Variants in PHGR1 observed in about 807,000 individuals in gnomAD.
The protein encoded by PHGR1 is proline, histidine and glycine-rich protein 1.
Under a neutral mutation model 4.9 loss-of-function variants are expected in PHGR1, and 3 were observed. That is an observed-to-expected ratio of 0.61 (90% CI 0.28 to 1.58). The LOEUF (loss-of-function observed/expected upper bound fraction) is 1.58, where lower values mean the gene tolerates loss of function less well. Ranked by LOEUF, PHGR1 falls within the 40% of genes most tolerant of loss-of-function variation. The pLI is 0.11. For missense variants in PHGR1, 81 were observed against 118.7 expected (o/e 0.68, Z 1.48); for synonymous variants, 32 against 46.1 (o/e 0.69, Z 1.24).
At chr15:40,353,506 T>A in intron 2 of PHGR1, 1 of 533,904 alleles carries the variant, frequency 1.9e-6, no homozygotes, top group Non-Finnish European at 3.3e-6. Context: ...TAAGGGTAGG[T>A]GCTTCTCCCA....
At position 40,351,055 on chromosome 15, in the gene PHGR1, A is replaced by G. The variant is rs1026725980; in HGVS notation, c.-34A>G. ...CCCAGACTTCCTGCCCCTGCTCTGCACTCTCAGGTAGGGACCTGGCTCTAC... is the reference window on the plus strand; with the variant it reads ...CCCAGACTTCCTGCCCCTGCTCTGCGCTCTCAGGTAGGGACCTGGCTCTAC... On this transcript the variant is annotated 5_prime_UTR_variant, in exon 1 of 4. Coordinates refer to ENST00000448599, the MANE Select transcript of PHGR1 (RefSeq NM_001145643.2). 4 of 151,906 alleles carry G rather than the reference A, an allele frequency of 2.6e-5. No homozygotes were observed. Among genetic ancestry groups the G allele is most frequent in the African/African-American group, 9.7e-5 (4 of 41,218 alleles). 9.4% of individuals were successfully genotyped at this position (151,906 alleles called of 1,614,324 possible). A position where few individuals can be genotyped will look rare whatever the true frequency, so the allele number is the denominator to read the frequency against.
chr15:40,352,495 C>T (rs781545964), intron 1 of PHGR1, among the ~76,000 whole-genome samples: 1 of 152,198 alleles, frequency 6.6e-6, no homozygotes, highest in Non-Finnish European at 1.5e-5. Flanking sequence ...CTTGGCACCA[C>T]GTTACCTCAG....
chr15:40,353,401 G>C (rs1889239646), intron 2 of PHGR1, 134 bp downstream of exon 2: 1 of 1,120,602 alleles, frequency 8.9e-7, no homozygotes, highest in South Asian at 1.4e-5. Context: ...TATGAAGGCA[G>C]TGGTAGGGGT....
intron 3 of PHGR1, 87 bp downstream of exon 3, chr15:40,354,439 A>C (rs1889257465): frequency 7.1e-7 from 1 of 1,411,354 alleles, no homozygotes. Context: ...ACCCTCAGGG[A>C]GCAGCCACCA....
chr15:40,353,471 T>C (rs1483253427), intron 2 of PHGR1: 4 of 643,222 alleles, frequency 6.2e-6, no homozygotes, highest in Non-Finnish European at 1.1e-5. Flanking sequence ...AAAGCATGCT[T>C]ACTCATCATG....
At position 40,353,142 on chromosome 15, in the gene PHGR1, T is replaced by TGTGA. The variant is rs1555399079; in HGVS notation, c.-26-87_-26-86insAGTG. The TGTGA allele has an allele frequency of 3.2e-5, 30 of 941,862 alleles. No individual in the cohort carries two copies. The African/African-American group carries it at 4.3e-4, about 14-fold the overall frequency. 58.3% of individuals were successfully genotyped at this position (941,862 alleles called of 1,614,324 possible). A position where few individuals can be genotyped will look rare whatever the true frequency, so the allele number is the denominator to read the frequency against. ...GTGTGTGTGTGTGTGTGTGTGTGTGTGTGTGCGCGCGCGCGCGCATCCGTG... is the reference window on the plus strand; with the variant it reads ...GTGTGTGTGTGTGTGTGTGTGTGTGTGTGAGTGTGCGCGCGCGCGCGCATCCGTG... On this transcript the variant is annotated intron_variant, in intron 1 of 3. Transcript: ENST00000448599.
At chr15:40,354,862 G>A (rs1336965555) in intron 3 of PHGR1, among the ~76,000 whole-genome samples, 3 of 151,910 alleles carry the variant, frequency 2.0e-5, no homozygotes, top group African/African-American at 4.8e-5. Flanking sequence ...CCAAACAAAA[G>A]AGCCATAGGC....
intron 1 of PHGR1, among the ~76,000 whole-genome samples, chr15:40,352,288 T>C (rs933676068): frequency 6.6e-6 from 1 of 152,142 alleles, no homozygotes; most frequent in Non-Finnish European, 1.5e-5. Context: ...GGTTGTTGTA[T>C]TGGGGGCGCT....
At chr15:40,353,044 T>G (rs1365130907) in intron 1 of PHGR1, among the ~76,000 whole-genome samples, 188 bp from the exon 2 acceptor site, 1 of 151,792 alleles carries the variant, frequency 6.6e-6, no homozygotes, top group African/African-American at 2.4e-5. Context: ...GCACCTACAG[T>G]GCCAGCTCTA....
At chr15:40,354,457 C>A in intron 3 of PHGR1, 105 bp downstream of exon 3, 2 of 1,363,122 alleles carry the variant, frequency 1.5e-6, no homozygotes, top group Admixed American at 2.3e-5. Context: ...CCACTTCCCC[C>A]AAATGAAAAG....
At chr15:40,352,953 G>C (rs1889226860) in intron 1 of PHGR1, among the ~76,000 whole-genome samples, 1 of 152,150 alleles carries the variant, frequency 6.6e-6, no homozygotes, top group South Asian at 2.1e-4. Flanking sequence ...TGGGGTGTAG[G>C]GGCTGGTACA....
chr15:40,355,547 C>T (rs915425976), intron 3 of PHGR1, among the ~76,000 whole-genome samples: 5 of 152,142 alleles, frequency 3.3e-5, no homozygotes, highest in African/African-American at 9.7e-5. Context: ...TCCTACCCTC[C>T]GTGTCTTCTC....
intron 1 of PHGR1, among the ~76,000 whole-genome samples, chr15:40,351,838 G>A (rs1447858792): frequency 6.6e-6 from 1 of 152,126 alleles, no homozygotes; most frequent in African/African-American, 2.4e-5. Flanking sequence ...CCGGGTTCAA[G>A]CGATTCTTCT....
At chr15:40,356,017 C>G (rs1889288722) in intron 3 of PHGR1, 56 bp from the exon 4 acceptor site, 1 of 1,501,194 alleles carries the variant, frequency 6.7e-7, no homozygotes, top group Non-Finnish European at 9.1e-7. Context: ...GAGCTGATCT[C>G]AGGTAAGCTT....
At chr15:40,352,869 G>A (rs1345383331) in intron 1 of PHGR1, among the ~76,000 whole-genome samples, 4 of 152,100 alleles carry the variant, frequency 2.6e-5, no homozygotes, top group East Asian at 3.9e-4. Context: ...GCAAATGAAC[G>A]GATATTGAAA....
chr15:40,351,123 G>A (rs1050465210), intron 1 of PHGR1, 61 bp downstream of exon 1: 1 of 152,532 alleles, frequency 6.6e-6, no homozygotes, highest in Non-Finnish European at 1.5e-5. Context: ...GGGGTATGTT[G>A]TGTGTGCATG....
rs796995052 is a variant in PHGR1 at position 40,353,149 on chromosome 15, G to GCA, written c.-26-82_-26-81insAC. 57 of 1,230,558 alleles carry GCA rather than the reference G, an allele frequency of 4.6e-5. 1 individual carries two copies. In the African/African-American group the frequency reaches 6.1e-4, roughly 13 times the overall value. 76.2% of individuals were successfully genotyped at this position (1,230,558 alleles called of 1,614,324 possible). A position where few individuals can be genotyped will look rare whatever the true frequency, so the allele number is the denominator to read the frequency against. On this transcript the variant is annotated intron_variant, in intron 1 of 3. Transcript: ENST00000448599. ...TGTGTGTGTGTGTGTGTGTGTGTGC[G>GCA]CGCGCGCGCGCATCCGTGGGAGGGA...
chr15:40,354,403 CT>C, intron 3 of PHGR1, 51 bp downstream of exon 3: 1 of 1,504,848 alleles, frequency 6.6e-7, no homozygotes, highest in Non-Finnish European at 8.9e-7. Flanking sequence ...CTGTCATGTC[CT>C]CCAGACCCCT....
chr15:40,352,908 C>A (rs1450194810), intron 1 of PHGR1, among the ~76,000 whole-genome samples: 1 of 152,144 alleles, frequency 6.6e-6, no homozygotes, highest in African/African-American at 2.4e-5. Flanking sequence ...GATTAACACA[C>A]AATTGTTGAG....
Sources: gnomAD v4.1 joint callset for allele counts (sites outside exome capture counted in the v4.1 genomes callset) on GRCh38, gnomAD v4.1.1 for gene constraint, MANE v1.5 for transcripts, NCBI Gene and HGNC (gene_info 2026-07-23, HGNC 2026-07-21) for gene names.